C10orf90: variants seen among roughly 807,000 people sequenced by gnomAD.
C10orf90 encodes the protein (E2-independent) E3 ubiquitin-conjugating enzyme FATS.
C10orf90 carries 56 observed loss-of-function variants against 62.5 expected under a neutral mutation model. The ratio of observed to expected loss-of-function variants is 0.90; its 90% CI spans 0.72 to 1.12. The LOEUF is 1.12. Ranked by LOEUF, C10orf90 falls within the 50% of genes most tolerant of loss-of-function variation. The probability of loss-of-function intolerance (pLI) is 0.00; values close to 1 mark genes in which losing one functional copy is unlikely to be tolerated. For synonymous variants in C10orf90, 386 were observed against 340.4 expected, an observed-to-expected ratio of 1.13 and a Z score of -1.47; for missense variants, 970 against 880.4, an observed-to-expected ratio of 1.10 and a Z score of -1.29.
chr10:126,525,256 G>A (rs929123577), intron 2 of C10orf90, among the ~76,000 whole-genome samples: 3 of 152,186 alleles, frequency 2.0e-5, no homozygotes, highest in Non-Finnish European at 4.4e-5. Context: ...ATCTGGAGGC[G>A]CATTCGGCCC....
intron 2 of C10orf90, among the ~76,000 whole-genome samples, chr10:126,640,960 C>T (rs959240637): frequency 1.3e-5 from 2 of 152,160 alleles, no homozygotes; most frequent in African/African-American, 4.8e-5. Context: ...AGGGAGAAAT[C>T]TATGGGAAGG....
At chr10:126,634,286 T>C (rs1327769195) in intron 2 of C10orf90, among the ~76,000 whole-genome samples, 3 of 152,152 alleles carry the variant, frequency 2.0e-5, no homozygotes, top group African/African-American at 7.2e-5. Context: ...AACAATACTA[T>C]TCAGTTTATA....
intron 2 of C10orf90, among the ~76,000 whole-genome samples, chr10:126,640,642 A>G (rs1220097987): frequency 1.3e-5 from 2 of 152,234 alleles, no homozygotes; most frequent in African/African-American, 4.8e-5. Flanking sequence ...GGGGTGGGGC[A>G]GGTTGAATCA....
intron 3 of C10orf90, among the ~76,000 whole-genome samples, chr10:126,510,702 C>T (rs550205259): frequency 6.6e-6 from 1 of 152,304 alleles, no homozygotes; most frequent in Non-Finnish European, 1.5e-5. Context: ...ATATTGATTT[C>T]TCTTAAATGT....
chr10:126,585,453 G>A (rs541442330), intron 2 of C10orf90, among the ~76,000 whole-genome samples: 4 of 150,032 alleles, frequency 2.7e-5, no homozygotes, highest in Admixed American at 6.7e-5. Flanking sequence ...GGAAAGGAGG[G>A]AAGAAGGAAG....
intron 2 of C10orf90, among the ~76,000 whole-genome samples, chr10:126,580,792 G>GGT (rs1184908555): frequency 6.6e-6 from 1 of 151,966 alleles, no homozygotes; most frequent in Non-Finnish European, 1.5e-5. Context: ...GTCTATGTGT[G>GGT]GTGTGTGTGT....
rs923764167 is a variant in C10orf90 at position 126,518,205 on chromosome 10, C to T, written c.314-4266G>A. Among the ~76,000 whole-genome samples the T allele has an allele frequency of 4.6e-5, 7 of 152,146 alleles. No homozygotes were observed. In the East Asian group the frequency reaches 1.4e-3, roughly 29 times the overall value. ...GGCTCCCAAAATGTGGCCCCCAGAC[C>T]AGCAGCATCCACACGATGGGGGCAC... On this transcript the variant is annotated intron_variant, in intron 2 of 9. Coordinates refer to ENST00000488181, the MANE Select transcript of C10orf90 (RefSeq NM_001350921.2).
rs548620350 is a variant in C10orf90 at position 126,531,751 on chromosome 10, C to A, written c.314-17812G>T. Reference sequence around the variant, plus strand: ...AAGTTTTCTTGCACCCAGAAAATAACAACTATAAAAGAAAAAGAAGGTAAA... The same window carrying A: ...AAGTTTTCTTGCACCCAGAAAATAAAAACTATAAAAGAAAAAGAAGGTAAA... On this transcript the variant is annotated intron_variant, in intron 2 of 9. Coordinates refer to ENST00000488181, the MANE Select transcript of C10orf90 (RefSeq NM_001350921.2). 6.6e-5 allele frequency among the ~76,000 whole-genome samples: 10 copies of A among 152,134 alleles called. No homozygotes were observed. The South Asian group carries it at 2.1e-3, about 32-fold the overall frequency.
intron 7 of C10orf90, among the ~76,000 whole-genome samples, chr10:126,445,500 A>G (rs565319701): frequency 2.0e-4 from 31 of 152,308 alleles, no homozygotes; most frequent in African/African-American, 6.3e-4. Flanking sequence ...CCATAATAAA[A>G]AAATCAAAAA....
intron 2 of C10orf90, chr10:126,520,737 C>A (rs1294863009): frequency 6.6e-6 from 1 of 152,510 alleles, no homozygotes; most frequent in Non-Finnish European, 1.5e-5. Context: ...CCTCTGAAGG[C>A]CCTAGGGGAG....
At chr10:126,581,055 C>T (rs559039829) in intron 2 of C10orf90, among the ~76,000 whole-genome samples, 2 of 152,286 alleles carry the variant, frequency 1.3e-5, no homozygotes, top group East Asian at 3.9e-4. Context: ...CACAGCTTGT[C>T]TGAGCAACAA....
rs1355494325 is a variant in C10orf90, at chr10:126,670,348, C to G, written c.133G>C (p.Asp45His). 1 of 456,700 alleles carries G rather than the reference C, an allele frequency of 2.2e-6. No homozygotes were observed. The highest frequency in any genetic ancestry group is 2.3e-5 in the Admixed American group (1 of 42,586). 28.3% of individuals were successfully genotyped at this position (456,700 alleles called of 1,614,324 possible). ...GGAAACCAGTTACTCTTCACAAAAT[C>G]CATGACCATCACATGGTTTTTCAAC... ...TELKNHVMVM[D>H]FVKSNWFPSQ... Residue 45 changes from aspartate to histidine, a missense_variant, in exon 1 of 10, where the codon GAT (aspartate) becomes CAT (histidine). Asp to His is a moderately conservative substitution (Grantham distance 81, BLOSUM62 -1). Coordinates refer to ENST00000488181, the MANE Select transcript of C10orf90 (RefSeq NM_001350921.2).
At chr10:126,542,564 G>A (rs1348457686) in intron 2 of C10orf90, among the ~76,000 whole-genome samples, 1 of 152,078 alleles carries the variant, frequency 6.6e-6, no homozygotes, top group Non-Finnish European at 1.5e-5. Flanking sequence ...CTAGATAAAA[G>A]TGTTTGTTGC....
At chr10:126,513,469 C>T (rs889138492) in intron 3 of C10orf90, among the ~76,000 whole-genome samples, 3 of 152,132 alleles carry the variant, frequency 2.0e-5, no homozygotes, top group African/African-American at 4.8e-5. Context: ...CTCTAATTTT[C>T]CTCCCTATTC....
chr10:126,592,315 A>G (rs1369900618), intron 2 of C10orf90, among the ~76,000 whole-genome samples: 1 of 152,224 alleles, frequency 6.6e-6, no homozygotes, highest in Non-Finnish European at 1.5e-5. Flanking sequence ...TACAGTAACC[A>G]AAACAGCATG....
At chr10:126,498,836 G>T (rs1862223416) in intron 4 of C10orf90, among the ~76,000 whole-genome samples, 1 of 152,164 alleles carries the variant, frequency 6.6e-6, no homozygotes, top group African/African-American at 2.4e-5. Context: ...GGCTGGCAGA[G>T]GCCTTGCTTA....
intron 2 of C10orf90, among the ~76,000 whole-genome samples, chr10:126,533,093 C>A (rs893037799): frequency 1.3e-5 from 2 of 151,412 alleles, no homozygotes; most frequent in South Asian, 4.2e-4. Context: ...CCACCACGCC[C>A]GGCTAATGTT....
At chr10:126,509,370 A>C (rs1166098652) in intron 3 of C10orf90, among the ~76,000 whole-genome samples, 2 of 152,206 alleles carry the variant, frequency 1.3e-5, no homozygotes, top group Non-Finnish European at 2.9e-5. Flanking sequence ...AAACGAGTGG[A>C]TATCTGACAT....
At chr10:126,600,892 A>T (rs1290762543) in intron 2 of C10orf90, among the ~76,000 whole-genome samples, 2 of 152,242 alleles carry the variant, frequency 1.3e-5, no homozygotes, top group Non-Finnish European at 1.5e-5. Flanking sequence ...CACACTCTCC[A>T]GTCCCTGGCA....
Sources: gnomAD v4.1 joint callset for allele counts (sites outside exome capture counted in the v4.1 genomes callset) on GRCh38, gnomAD v4.1.1 for gene constraint, MANE v1.5 for transcripts, NCBI Gene and HGNC (gene_info 2026-07-23, HGNC 2026-07-21) for gene names.